The following DGKB variants were observed in gnomAD, a reference collection of about 807,000 sequenced individuals.
DGKB encodes diacylglycerol kinase beta.
In DGKB, 67 loss-of-function variants were observed where a neutral mutation model predicts 114.3. That is an observed-to-expected ratio of 0.59 (90% CI 0.48 to 0.72). The LOEUF is 0.72. Ranked by LOEUF, DGKB falls within the 30% of genes least tolerant of loss-of-function variation. The probability of loss-of-function intolerance (pLI) is 0.00; values close to 1 mark genes in which losing one functional copy is unlikely to be tolerated. For missense variants in DGKB, 907 were observed against 975.2 expected, an observed-to-expected ratio of 0.93 and a Z score of 0.93; for synonymous variants, 398 against 323.1, an observed-to-expected ratio of 1.23 and a Z score of -2.49.
chr7:14,509,696 C>T (rs1039438219), intron 20 of DGKB, among the ~76,000 whole-genome samples: 17 of 152,198 alleles, frequency 1.1e-4, no homozygotes, highest in African/African-American at 3.9e-4. Context: ...GAGCTCTGGG[C>T]CGTGAGCAAG....
At chr7:14,734,152 A>G (rs1274545124) in intron 5 of DGKB, among the ~76,000 whole-genome samples, 5 of 151,772 alleles carry the variant, frequency 3.3e-5, no homozygotes, top group East Asian at 1.9e-4. Context: ...CTCCTGTTTC[A>G]GCCTCCCAAG....
At chr7:14,621,598 G>A in intron 14 of DGKB, 104 bp from the exon 15 acceptor site, 1 of 671,340 alleles carries the variant, frequency 1.5e-6, no homozygotes, top group Non-Finnish European at 2.5e-6. Context: ...ACAAACACAG[G>A]CTCAACTTTC....
At chr7:14,172,998 T>TA (rs1781232833) in intron 25 of DGKB, among the ~76,000 whole-genome samples, 1 of 152,174 alleles carries the variant, frequency 6.6e-6, no homozygotes, top group Non-Finnish European at 1.5e-5. Flanking sequence ...AAGACAGCTC[T>TA]TCTAAGACAA....
At chr7:14,472,562 A>C (rs1373122452) in intron 21 of DGKB, among the ~76,000 whole-genome samples, 1 of 152,218 alleles carries the variant, frequency 6.6e-6, no homozygotes, top group Admixed American at 6.5e-5. Flanking sequence ...GGCACTGCTG[A>C]AAAGATACCC....
rs146197505 is a variant in DGKB at position 14,233,305 on chromosome 7, A to C, written c.2123-55154T>G. ...ATGACAAATGGGACTGTCTGAAGCA[A>C]CTCTGACTGAAGAGCAATGTCAAAG... On this transcript the variant is annotated intron_variant, in intron 23 of 25. Transcript: ENST00000402815. Among the ~76,000 whole-genome samples, 3 of 152,054 alleles carry C rather than the reference A, an allele frequency of 2.0e-5. No homozygotes were observed. In the East Asian group the frequency reaches 5.9e-4, roughly 30 times the overall value.
At chr7:14,199,959 G>A (rs1467715234) in intron 23 of DGKB, among the ~76,000 whole-genome samples, 1 of 151,936 alleles carries the variant, frequency 6.6e-6, no homozygotes, top group African/African-American at 2.4e-5. Context: ...GTATATAGTG[G>A]TGTACAGGGC....
rs73280921 is a variant in DGKB at position 14,430,435 on chromosome 7, C to A, written c.1835+47726G>T. Among the ~76,000 whole-genome samples the A allele has an allele frequency of 9.8e-3, 1,497 of 152,194 alleles. 26 individuals are homozygous for A. The highest frequency in any genetic ancestry group is 0.035 in the African/African-American group (1,437 of 41,538). ...CATTCTTTTCAATGACATCTGGATC[C>A]AAAATCATGATTGGTTAACATGTGA... On this transcript the variant is annotated intron_variant, in intron 21 of 25. Coordinates refer to ENST00000402815, the MANE Select transcript of DGKB (RefSeq NM_001350709.2).
At chr7:14,171,018 G>A (rs186809828) in intron 25 of DGKB, among the ~76,000 whole-genome samples, 3 of 152,222 alleles carry the variant, frequency 2.0e-5, no homozygotes, top group Non-Finnish European at 2.9e-5. Context: ...GTGCTCATAG[G>A]GTACCCAGGA....
chr7:14,325,280 T>G (rs1808519812), intron 23 of DGKB, among the ~76,000 whole-genome samples: 1 of 151,956 alleles, frequency 6.6e-6, no homozygotes, highest in East Asian at 1.9e-4. Flanking sequence ...GCTAGATCAG[T>G]GGGGGGTCAT....
At chr7:14,921,150 G>C (rs1054106790) in intron 1 of DGKB, among the ~76,000 whole-genome samples, 26 of 152,108 alleles carry the variant, frequency 1.7e-4, no homozygotes, top group Admixed American at 2.0e-4. Context: ...AAAATAATCA[G>C]TGGTTTCCAG....
chr7:14,502,219 C>T (rs913943331), intron 20 of DGKB, among the ~76,000 whole-genome samples: 2 of 151,928 alleles, frequency 1.3e-5, no homozygotes, highest in African/African-American at 2.4e-5. Context: ...CCAGCTTTCA[C>T]ATAAGAAGTC....
chr7:14,256,204 A>G (rs891498352), intron 23 of DGKB, among the ~76,000 whole-genome samples: 1 of 151,494 alleles, frequency 6.6e-6, no homozygotes, highest in Non-Finnish European at 1.5e-5. Flanking sequence ...TCTTCCACAT[A>G]CTCTGCATTA....
At chr7:14,431,231 C>G (rs1249677538) in intron 21 of DGKB, among the ~76,000 whole-genome samples, 1 of 143,854 alleles carries the variant, frequency 7.0e-6, no homozygotes, top group African/African-American at 3.0e-5. Context: ...GACCACTTAC[C>G]TGACCGCTGA....
chr7:14,557,087 A>G (rs572113577), intron 20 of DGKB, among the ~76,000 whole-genome samples: 6 of 152,196 alleles, frequency 3.9e-5, no homozygotes, highest in South Asian at 2.1e-4. Flanking sequence ...CCCGTCCCCA[A>G]TCTCAGACCT....
chr7:14,355,934 A>G (rs573765001), intron 21 of DGKB, among the ~76,000 whole-genome samples: 5 of 152,204 alleles, frequency 3.3e-5, no homozygotes, highest in Non-Finnish European at 7.4e-5. Context: ...GTAGGCTATT[A>G]ATTACTGCCT....
intron 1 of DGKB, among the ~76,000 whole-genome samples, chr7:14,932,336 C>T (rs1446899121): frequency 3.3e-5 from 5 of 152,090 alleles, no homozygotes; most frequent in Admixed American, 3.3e-4. Context: ...CATGTTTGCT[C>T]TTTGATAATG....
intron 20 of DGKB, among the ~76,000 whole-genome samples, chr7:14,569,199 G>C (rs1183705094): frequency 6.6e-6 from 1 of 152,110 alleles, no homozygotes; most frequent in Non-Finnish European, 1.5e-5. Context: ...TTGTGTCCCT[G>C]GGGCAGGAAT....
intron 1 of DGKB, among the ~76,000 whole-genome samples, chr7:14,899,836 C>G (rs1158193844): frequency 6.6e-6 from 1 of 152,132 alleles, no homozygotes; most frequent in Non-Finnish European, 1.5e-5. Flanking sequence ...CAACCCCACC[C>G]TGATCCATAG....
At chr7:14,295,306 T>C (rs1160154209) in intron 23 of DGKB, among the ~76,000 whole-genome samples, 1 of 152,168 alleles carries the variant, frequency 6.6e-6, no homozygotes, top group Non-Finnish European at 1.5e-5. Flanking sequence ...TTGACAGAAA[T>C]TCAATCTCAA....
Sources: gnomAD v4.1 joint callset for allele counts (sites outside exome capture counted in the v4.1 genomes callset) on GRCh38, gnomAD v4.1.1 for gene constraint, MANE v1.5 for transcripts, NCBI Gene and HGNC (gene_info 2026-07-23, HGNC 2026-07-21) for gene names.